NCOA3: variants seen among roughly 807,000 people sequenced by gnomAD.
NCOA3 encodes the protein nuclear receptor coactivator 3.
In NCOA3, 51 loss-of-function variants were observed where a neutral mutation model predicts 158.8. The observed-to-expected ratio is 0.32, with a 90% CI of 0.26 to 0.41. NCOA3 has a LOEUF of 0.41. Ranked by LOEUF, NCOA3 falls within the 10% of genes least tolerant of loss-of-function variation. The pLI is 1.00. For missense variants in NCOA3, 1,510 were observed against 1,746.6 expected (o/e 0.86, Z 2.41); for synonymous variants, 537 against 592.4 (o/e 0.91, Z 1.36).
chr20:47,644,807 C>T (rs1458226210), intron 17 of NCOA3, among the ~76,000 whole-genome samples: 5 of 152,160 alleles, frequency 3.3e-5, no homozygotes, highest in Non-Finnish European at 7.3e-5. Context: ...AAGCGATTCT[C>T]CTGCCTCAAC....
At chr20:47,610,072 G>A (rs771892555) in intron 2 of NCOA3, among the ~76,000 whole-genome samples, 10 of 152,168 alleles carry the variant, frequency 6.6e-5, no homozygotes, top group Admixed American at 1.3e-4. Flanking sequence ...AGCAAATAAT[G>A]TTGAAAGCTT....
chr20:47,629,114 C>T (rs6090708), intron 8 of NCOA3, among the ~76,000 whole-genome samples: 2,596 of 152,136 alleles, frequency 0.017, 75 homozygotes, highest in African/African-American at 0.059. Flanking sequence ...ATAGCTATCA[C>T]TATTACATAT....
intron 1 of NCOA3, among the ~76,000 whole-genome samples, chr20:47,546,422 G>A (rs1274853407): frequency 1.3e-5 from 2 of 152,028 alleles, no homozygotes; most frequent in South Asian, 2.1e-4. Flanking sequence ...ATCCTAAACC[G>A]GTTTGTCATT....
chr20:47,596,072 C>T (rs2085750703), intron 2 of NCOA3, among the ~76,000 whole-genome samples: 1 of 152,076 alleles, frequency 6.6e-6, no homozygotes, highest in African/African-American at 2.4e-5. Flanking sequence ...TTCTTGAACC[C>T]ACTCCTTGAA....
rs141225357 is a variant in NCOA3 at position 47,528,804 on chromosome 20, G to A, written c.-99+26785G>A. On this transcript the variant is annotated intron_variant, in intron 1 of 22. Coordinates refer to ENST00000371998, the MANE Select transcript of NCOA3 (RefSeq NM_181659.3). ...CTTTTTCTTTTTGAAACGGAGTTTCGCTTTTGTTGCCCAGGCTGAAGTGCA... is the reference window on the plus strand; with the variant it reads ...CTTTTTCTTTTTGAAACGGAGTTTCACTTTTGTTGCCCAGGCTGAAGTGCA... Among the ~76,000 whole-genome samples, 258 of 151,954 alleles carry A rather than the reference G, an allele frequency of 1.7e-3. 2 individuals are homozygous for A. The highest frequency in any genetic ancestry group is 6.1e-3 in the African/African-American group (251 of 41,426).
At chr20:47,614,849 A>G (rs2086107081) in intron 2 of NCOA3, among the ~76,000 whole-genome samples, 1 of 151,926 alleles carries the variant, frequency 6.6e-6, no homozygotes, top group Non-Finnish European at 1.5e-5. Flanking sequence ...AGCTTGAGCA[A>G]CTCCTTGCCT....
intron 16 of NCOA3, among the ~76,000 whole-genome samples, chr20:47,641,437 T>C (rs1055639625): frequency 1.4e-5 from 2 of 140,638 alleles, no homozygotes; most frequent in African/African-American, 2.6e-5. Flanking sequence ...TGCCCACCTC[T>C]ACCTCCCAAA....
At chr20:47,621,240 T>A (rs1266163120) in intron 2 of NCOA3, among the ~76,000 whole-genome samples, 1 of 151,440 alleles carries the variant, frequency 6.6e-6, no homozygotes, top group African/African-American at 2.4e-5. Flanking sequence ...TTTAAATTTT[T>A]ATTTTTTTTG....
At chr20:47,596,452 C>CAACG (rs1212556898) in intron 2 of NCOA3, among the ~76,000 whole-genome samples, 1 of 152,126 alleles carries the variant, frequency 6.6e-6, no homozygotes, top group Non-Finnish European at 1.5e-5. Context: ...GAAGTGTGAA[C>CAACG]AACGTTGCAA....
At chr20:47,605,583 A>AT (rs1395838067) in intron 2 of NCOA3, among the ~76,000 whole-genome samples, 1 of 150,808 alleles carries the variant, frequency 6.6e-6, no homozygotes, top group Non-Finnish European at 1.5e-5. Context: ...TACCTATGAG[A>AT]TTTTTTCGTT....
intron 2 of NCOA3, among the ~76,000 whole-genome samples, chr20:47,610,966 TTATC>T (rs1232171127): frequency 1.3e-5 from 2 of 152,194 alleles, no homozygotes; most frequent in Admixed American, 6.5e-5. Flanking sequence ...TTAGGAATAT[TTATC>T]TGTCTTGCAT....
chr20:47,546,450 G>A (rs753444850), intron 1 of NCOA3, among the ~76,000 whole-genome samples: 8 of 150,850 alleles, frequency 5.3e-5, no homozygotes, highest in African/African-American at 9.7e-5. Context: ...TCTAGACTAT[G>A]TAGAGGTTTC....
chr20:47,641,297 A>G (rs1191749636), intron 16 of NCOA3, among the ~76,000 whole-genome samples: 1 of 146,900 alleles, frequency 6.8e-6, no homozygotes, highest in African/African-American at 2.5e-5. Flanking sequence ...ATTTCTCCAG[A>G]CTCACGTCAG....
Position 47,570,021 on chromosome 20 carries a change from CAAA to C in NCOA3, c.-98-13154_-98-13152del, listed in dbSNP as rs111893364. 8.7e-5 allele frequency among the ~76,000 whole-genome samples: 13 copies of C among 149,518 alleles called. No homozygotes were observed. In the East Asian group the frequency reaches 2.2e-3, roughly 25 times the overall value. On this transcript the variant is annotated intron_variant, in intron 1 of 22. Transcript: ENST00000371998. ...TGAGACTCCGTCTCAAAAAAAACAA[CAAA>C]AAAAAAACCCTGCGGCTCCTTTAAG...
intron 1 of NCOA3, among the ~76,000 whole-genome samples, chr20:47,566,010 G>A (rs2085188240): frequency 6.6e-6 from 1 of 152,094 alleles, no homozygotes; most frequent in Non-Finnish European, 1.5e-5. Flanking sequence ...GTTTCTCTCT[G>A]TTGCCCAGGC....
chr20:47,570,074 G>A (rs1210684379), intron 1 of NCOA3, among the ~76,000 whole-genome samples: 2 of 152,110 alleles, frequency 1.3e-5, no homozygotes, highest in Non-Finnish European at 2.9e-5. Flanking sequence ...GATATTCTAA[G>A]TCTTTTTTTA....
chr20:47,649,069 C>A lies in NCOA3; in HGVS notation c.3611C>A (p.Ala1204Glu). 1.2e-6 allele frequency: 2 copies of A among 1,614,010 alleles called. No individual in the cohort carries two copies. The highest frequency in any genetic ancestry group is 1.7e-6 in the Non-Finnish European group (2 of 1,179,952). Reference protein sequence around the residue: ...KMENPTAGGAAVMRPMMQPQV... With the variant: ...KMENPTAGGAEVMRPMMQPQV... ...GAAAACCCTACTGCTGGTGGTGCTG[C>A]GGTGATGAGGCCTATGATGCAGCCC... The change falls in exon 19 of 23, where the codon GCG (alanine) becomes GAG (glutamate). Residue 1204 changes from alanine to glutamate, a missense_variant. Ala to Glu is a moderately radical substitution (Grantham distance 107). Around this residue, in one of 4 missense-constraint regions of NCOA3, gnomAD observed 1,017 missense variants for 1,098.3 expected, o/e 0.93. Transcript: ENST00000371998.
intron 1 of NCOA3, among the ~76,000 whole-genome samples, chr20:47,508,358 T>A (rs1368688605): frequency 6.6e-6 from 1 of 152,088 alleles, no homozygotes; most frequent in Non-Finnish European, 1.5e-5. Context: ...GGAGGGAAAA[T>A]CTGAAAGAAG....
At chr20:47,643,139 T>A (rs1304955168) in intron 17 of NCOA3, among the ~76,000 whole-genome samples, 1 of 152,172 alleles carries the variant, frequency 6.6e-6, no homozygotes, top group Non-Finnish European at 1.5e-5. Flanking sequence ...GTCTCAAACT[T>A]CTGACCTCAA....
Sources: allele counts gnomAD v4.1 joint callset (sites outside exome capture counted in the v4.1 genomes callset), GRCh38; gene constraint gnomAD v4.1.1; regional missense constraint gnomAD v4.1.1; transcripts MANE v1.5; gene names NCBI Gene and HGNC (gene_info 2026-07-23, HGNC 2026-07-21).